The following LRP1B variants were observed in gnomAD, a reference collection of about 807,000 sequenced individuals.
LRP1B encodes LDL receptor related protein 1B.
In LRP1B, 217 loss-of-function variants were observed where a neutral mutation model predicts 556.6. The ratio of observed to expected loss-of-function variants is 0.39; its 90% confidence interval spans 0.35 to 0.44. LRP1B has a LOEUF of 0.44. Ranked by LOEUF, LRP1B falls within the 20% of genes least tolerant of loss-of-function variation. The pLI is 1.00. For synonymous variants in LRP1B, 2,047 were observed against 1,865.8 expected, an observed-to-expected ratio of 1.10 and a Z score of -2.50; for missense variants, 5,053 against 5,620.8, an observed-to-expected ratio of 0.90 and a Z score of 3.23.
intron 3 of LRP1B, among the ~76,000 whole-genome samples, chr2:141,259,232 T>C (rs1684597332): frequency 6.6e-6 from 1 of 152,188 alleles, no homozygotes. Context: ...ACCACTTATC[T>C]TGTTTTCTGA....
At chr2:140,492,566 G>T in intron 57 of LRP1B, 42 bp downstream of exon 57, 2 of 1,344,792 alleles carry the variant, frequency 1.5e-6, no homozygotes, top group Non-Finnish European at 1.1e-6. Context: ...CATACCTAGT[G>T]CACATGTTAA....
chr2:141,936,714 G>A (rs1700645282), intron 1 of LRP1B, among the ~76,000 whole-genome samples: 1 of 152,132 alleles, frequency 6.6e-6, no homozygotes, highest in African/African-American at 2.4e-5. Context: ...CCCATTGACT[G>A]ACTCTTAAGG....
At chr2:140,928,160 A>T (rs376195132) in intron 20 of LRP1B, among the ~76,000 whole-genome samples, 1 of 152,146 alleles carries the variant, frequency 6.6e-6, no homozygotes, top group East Asian at 1.9e-4. Context: ...ACTTATTCTC[A>T]TAAAACTTGA....
chr2:140,752,367 AG>A (rs1304135525), intron 35 of LRP1B, among the ~76,000 whole-genome samples: 2 of 33,728 alleles, frequency 5.9e-5, no homozygotes, highest in Non-Finnish European at 1.5e-4. Flanking sequence ...TCTGTCGCCC[AG>A]GTTTGGAGTG....
At chr2:141,756,114 A>G (rs1238976146) in intron 2 of LRP1B, among the ~76,000 whole-genome samples, 1 of 152,080 alleles carries the variant, frequency 6.6e-6, no homozygotes, top group Admixed American at 6.6e-5. Context: ...CAAATTCCCT[A>G]TTAATTATTG....
intron 1 of LRP1B, among the ~76,000 whole-genome samples, chr2:142,097,322 A>G (rs1045266566): frequency 6.6e-6 from 1 of 151,684 alleles, no homozygotes; most frequent in Non-Finnish European, 1.5e-5. Flanking sequence ...TCTTTAGTCA[A>G]ATGCTCTTGA....
At chr2:140,743,965 C>CAAA (rs780716758) in intron 35 of LRP1B, among the ~76,000 whole-genome samples, 13 of 2,548 alleles carry the variant, frequency 5.1e-3, no homozygotes, top group East Asian at 0.025. Context: ...GACTTGGTCT[C>CAAA]AAAAAAAAAA....
chr2:140,394,865 T>C (rs1209116098), intron 66 of LRP1B, among the ~76,000 whole-genome samples: 2 of 152,158 alleles, frequency 1.3e-5, no homozygotes, highest in African/African-American at 4.8e-5. Context: ...GTAAGTATCA[T>C]AACCTCATAT....
At chr2:140,672,416 A>T (rs1312623578) in intron 41 of LRP1B, among the ~76,000 whole-genome samples, 1 of 149,032 alleles carries the variant, frequency 6.7e-6, no homozygotes, top group African/African-American at 2.5e-5. Context: ...CCCAGGAAGC[A>T]GAGGTTGCAG....
intron 2 of LRP1B, among the ~76,000 whole-genome samples, chr2:141,559,308 T>A (rs16846467): frequency 0.23 from 34,428 of 151,568 alleles, 4,892 homozygotes; most frequent in East Asian, 0.47. Flanking sequence ...TTGATTTCTG[T>A]CAGCAGTGCA....
chr2:142,079,290 A>G (rs532937001), intron 1 of LRP1B, among the ~76,000 whole-genome samples: 138 of 152,210 alleles, frequency 9.1e-4, no homozygotes, highest in Middle Eastern at 3.4e-3. Context: ...GTGTTGAGTT[A>G]TTTTGCCACT....
At chr2:141,408,277 G>T (rs1000141724) in intron 3 of LRP1B, among the ~76,000 whole-genome samples, 4 of 151,458 alleles carry the variant, frequency 2.6e-5, no homozygotes, top group Non-Finnish European at 5.9e-5. Context: ...CAAGTAGCTG[G>T]GGCTACAGGT....
intron 8 of LRP1B, 122 bp from the exon 9 acceptor site, chr2:141,059,176 T>C (rs1283689201): frequency 1.8e-5 from 11 of 625,352 alleles, no homozygotes; most frequent in Admixed American, 1.7e-4. Flanking sequence ...AAGGATGTTA[T>C]TTACTTTTTC....
intron 3 of LRP1B, among the ~76,000 whole-genome samples, chr2:141,420,577 G>C (rs749931072): frequency 6.6e-6 from 1 of 152,170 alleles, no homozygotes; most frequent in Non-Finnish European, 1.5e-5. Flanking sequence ...CTTGTCAGCC[G>C]TGAAACATCT....
intron 43 of LRP1B, among the ~76,000 whole-genome samples, chr2:140,582,176 C>T (rs1046974796): frequency 1.3e-5 from 2 of 152,134 alleles, no homozygotes; most frequent in Non-Finnish European, 2.9e-5. Flanking sequence ...GGTAAATTCT[C>T]TGTTATGCCT....
intron 2 of LRP1B, among the ~76,000 whole-genome samples, chr2:141,600,761 C>T (rs1687702916): frequency 6.6e-6 from 1 of 152,114 alleles, no homozygotes; most frequent in African/African-American, 2.4e-5. Context: ...TTTACAAACA[C>T]AGAACTCTGT....
At chr2:141,611,043 A>G (rs73965729) in intron 2 of LRP1B, among the ~76,000 whole-genome samples, 3,508 of 152,288 alleles carry the variant, frequency 0.023, 136 homozygotes, top group African/African-American at 0.08. Context: ...GCCTAATTAT[A>G]CAAGTGAGCA....
At chr2:140,345,660 G>A (rs920949201) in intron 77 of LRP1B, among the ~76,000 whole-genome samples, 36 of 143,434 alleles carry the variant, frequency 2.5e-4, no homozygotes, top group African/African-American at 7.9e-4. Flanking sequence ...ATGTGTGTGT[G>A]TATATATATA....
At chr2:142,015,019 T>G (rs1235804062) in intron 1 of LRP1B, among the ~76,000 whole-genome samples, 1 of 152,214 alleles carries the variant, frequency 6.6e-6, no homozygotes, top group Admixed American at 6.5e-5. Flanking sequence ...AAATCCTTTT[T>G]TAAATAAAAT....
Sources: gnomAD v4.1 joint callset for allele counts (sites outside exome capture counted in the v4.1 genomes callset) on GRCh38, gnomAD v4.1.1 for gene constraint, MANE v1.5 for transcripts, NCBI Gene and HGNC (gene_info 2026-07-23, HGNC 2026-07-21) for gene names.